The following SCFD2 variants were observed in gnomAD, a reference collection of about 807,000 sequenced individuals.
SCFD2 encodes sec1 family domain containing 2, also known as sec1 family domain-containing protein 2.
SCFD2 carries 54 observed loss-of-function variants against 58.9 expected under a neutral mutation model. The observed-to-expected ratio is 0.92, with a 90% confidence interval of 0.74 to 1.15. The LOEUF (loss-of-function observed/expected upper bound fraction) is 1.15. SCFD2 is among the 50% of genes most tolerant of loss of function. The pLI, the probability that SCFD2 is intolerant of heterozygous loss-of-function variation, is 0.00. For missense variants in SCFD2, 805 were observed against 836.6 expected, an observed-to-expected ratio of 0.96 and a Z score of 0.47; for synonymous variants, 321 against 335.9, an observed-to-expected ratio of 0.96 and a Z score of 0.49.
intron 4 of SCFD2, among the ~76,000 whole-genome samples, chr4:53,244,469 T>C (rs1180039547): frequency 6.6e-6 from 1 of 152,054 alleles, no homozygotes; most frequent in East Asian, 1.9e-4. Context: ...ACATGGAAAT[T>C]AAACAACTTG....
At chr4:52,971,902 T>C (rs1721112831) in intron 5 of SCFD2, among the ~76,000 whole-genome samples, 1 of 152,188 alleles carries the variant, frequency 6.6e-6, no homozygotes, top group Non-Finnish European at 1.5e-5. Flanking sequence ...CAGAATTTCA[T>C]ATCCAGCCAA....
chr4:53,090,851 G>T (rs1297813291), intron 5 of SCFD2, among the ~76,000 whole-genome samples: 1 of 152,028 alleles, frequency 6.6e-6, no homozygotes, highest in Non-Finnish European at 1.5e-5. Context: ...CACCCCTATG[G>T]GATAAGCACT....
chr4:53,070,872 T>G (rs913632434), intron 5 of SCFD2, among the ~76,000 whole-genome samples: 3 of 152,102 alleles, frequency 2.0e-5, no homozygotes, highest in Non-Finnish European at 2.9e-5. Context: ...ATACCCATAT[T>G]TTATAGACAT....
chr4:53,364,733 GA>G (rs1560467026), intron 1 of SCFD2, among the ~76,000 whole-genome samples: 1 of 35,042 alleles, frequency 2.9e-5, no homozygotes, highest in East Asian at 6.2e-4. Flanking sequence ...CAACAAACCA[GA>G]GTCTTCTTAT....
chr4:52,928,449 G>A (rs1475366621), intron 5 of SCFD2, among the ~76,000 whole-genome samples: 2 of 152,162 alleles, frequency 1.3e-5, no homozygotes, highest in South Asian at 2.1e-4. Flanking sequence ...AGGTGTGGAG[G>A]TAATGATATA....
chr4:53,117,122 T>C (rs1419426938), intron 5 of SCFD2, among the ~76,000 whole-genome samples: 1 of 152,136 alleles, frequency 6.6e-6, no homozygotes, highest in Non-Finnish European at 1.5e-5. Context: ...ACTGAAACCA[T>C]GGAAACTTGA....
intron 3 of SCFD2, among the ~76,000 whole-genome samples, chr4:53,289,746 CT>C (rs1012286732): frequency 6.6e-6 from 1 of 152,058 alleles, no homozygotes; most frequent in African/African-American, 2.4e-5. Flanking sequence ...CCCATTTTAG[CT>C]TTAAGGACAC....
At chr4:53,074,457 T>C (rs1467111060) in intron 5 of SCFD2, among the ~76,000 whole-genome samples, 1 of 152,210 alleles carries the variant, frequency 6.6e-6, no homozygotes, top group Non-Finnish European at 1.5e-5. Flanking sequence ...ATGTTCTTAA[T>C]GGCATCTAGA....
chr4:53,072,382 A>G (rs963229265), intron 5 of SCFD2, among the ~76,000 whole-genome samples: 33 of 152,104 alleles, frequency 2.2e-4, no homozygotes, highest in African/African-American at 7.7e-4. Flanking sequence ...ATCGAGCTGC[A>G]GACATAGATA....
chr4:53,136,007 G>GA (rs1237796572), intron 5 of SCFD2, among the ~76,000 whole-genome samples: 1 of 151,980 alleles, frequency 6.6e-6, no homozygotes, highest in East Asian at 1.9e-4. Context: ...TGAAAAATGG[G>GA]AAAAAATTAT....
chr4:52,965,693 G>T (rs1720947678), intron 5 of SCFD2, among the ~76,000 whole-genome samples: 1 of 152,170 alleles, frequency 6.6e-6, no homozygotes, highest in South Asian at 2.1e-4. Context: ...GCTGGGTCTG[G>T]CCTTTAGGAA....
intron 4 of SCFD2, among the ~76,000 whole-genome samples, chr4:53,220,401 T>A (rs912987287): frequency 7.9e-5 from 12 of 152,246 alleles, no homozygotes; most frequent in African/African-American, 2.7e-4. Context: ...AGGCAGGGAC[T>A]CTGTAATATT....
intron 4 of SCFD2, among the ~76,000 whole-genome samples, chr4:53,190,184 A>C (rs1577822597): frequency 6.8e-6 from 1 of 146,986 alleles, no homozygotes; most frequent in Middle Eastern, 3.5e-3. Context: ...AAAATACTTT[A>C]ATAATGAAAA....
chr4:53,362,129 G>C (rs1734564090), intron 1 of SCFD2, among the ~76,000 whole-genome samples: 1 of 152,294 alleles, frequency 6.6e-6, no homozygotes, highest in Non-Finnish European at 1.5e-5. Flanking sequence ...AAGGGTAAGA[G>C]AGTGTCAAAG....
intron 7 of SCFD2, among the ~76,000 whole-genome samples, chr4:52,902,210 C>G (rs1391966106): frequency 6.6e-6 from 1 of 152,226 alleles, no homozygotes; most frequent in African/African-American, 2.4e-5. Flanking sequence ...AACAGCTTGT[C>G]ATGGCATGTG....
chr4:53,334,810 A>G (rs1268015474), intron 2 of SCFD2, among the ~76,000 whole-genome samples: 4 of 152,202 alleles, frequency 2.6e-5, no homozygotes, highest in African/African-American at 9.6e-5. Context: ...GGAAGAGACT[A>G]TTTACATAAT....
At chr4:53,022,258 T>G (rs1204777109) in intron 5 of SCFD2, among the ~76,000 whole-genome samples, 1 of 152,212 alleles carries the variant, frequency 6.6e-6, no homozygotes, top group African/African-American at 2.4e-5. Context: ...GGACTTAATT[T>G]ACTTTTAAAT....
chr4:53,226,786 T>A (rs751839519), intron 4 of SCFD2, among the ~76,000 whole-genome samples: 4 of 152,192 alleles, frequency 2.6e-5, no homozygotes, highest in Middle Eastern at 3.4e-3. Context: ...AGGTAACACA[T>A]ATAGGTAAAG....
chr4:52,929,444 A>C (rs938436268), intron 5 of SCFD2, among the ~76,000 whole-genome samples: 1 of 152,236 alleles, frequency 6.6e-6, no homozygotes, highest in African/African-American at 2.4e-5. Flanking sequence ...GTCAGCTGAC[A>C]ACTATTATTA....
Sources: gnomAD v4.1 joint callset for allele counts (sites outside exome capture counted in the v4.1 genomes callset) on GRCh38, gnomAD v4.1.1 for gene constraint, MANE v1.5 for transcripts, NCBI Gene and HGNC (gene_info 2026-07-23, HGNC 2026-07-21) for gene names.